The following OTOG variants were observed in gnomAD, a reference collection of about 807,000 sequenced individuals.
OTOG encodes otogelin.
A neutral mutation model predicts 313.8 loss-of-function variants in OTOG; 296 were observed. That is an observed-to-expected ratio of 0.94 (90% confidence interval 0.86 to 1.04). OTOG has a LOEUF of 1.04. Ranked by LOEUF, OTOG falls within the 50% of genes least tolerant of loss-of-function variation. The pLI, the probability that OTOG is intolerant of heterozygous loss-of-function variation, is 0.00. For synonymous variants in OTOG, 1,533 were observed against 1,554.9 expected, an observed-to-expected ratio of 0.99 and a Z score of 0.33; for missense variants, 3,948 against 3,840.1, an observed-to-expected ratio of 1.03 and a Z score of -0.74.
intron 29 of OTOG, 42 bp from the exon 30 acceptor site, chr11:17,596,809 T>C (rs1853120623): frequency 6.6e-7 from 1 of 1,516,494 alleles, no homozygotes; most frequent in South Asian, 1.2e-5. Flanking sequence ...GATCTGACAT[T>C]TGGGATCTGT....
At chr11:17,627,303 T>C (rs775564537) in intron 39 of OTOG, among the ~76,000 whole-genome samples, 21 of 94,940 alleles carry the variant, frequency 2.2e-4, no homozygotes, top group Non-Finnish European at 3.6e-4. Context: ...TTTATACTCA[T>C]TTTTTTTTAG....
Position 17,555,817 on chromosome 11 carries a change from C to G in OTOG, c.579C>G (p.Thr193=). The change falls in exon 7 of 56, where the codon ACC becomes ACG. Residue 193 remains threonine, a synonymous_variant. Coordinates refer to ENST00000399397, the MANE Select transcript of OTOG (RefSeq NM_001292063.2). ...CGCAGTGTGGCTCTTCACCCTACAC[C>G]TGCTCCAGGGCTGTCAGCCTCTTCT... ...NDPQCGSSPY[T]CSRAVSLFFV... is the part of the protein sequence containing the mutation. 1 of 1,550,816 alleles carries G rather than the reference C, an allele frequency of 6.4e-7. No individual in the cohort carries two copies. Among genetic ancestry groups the G allele is most frequent in the African/African-American group, 1.4e-5 (1 of 73,180 alleles).
intron 54 of OTOG, among the ~76,000 whole-genome samples, chr11:17,644,260 C>T (rs1436976792): frequency 1.3e-5 from 2 of 152,272 alleles, no homozygotes; most frequent in Non-Finnish European, 2.9e-5. Flanking sequence ...AGTCTTAGTC[C>T]AGGGCCCAGA....
At chr11:17,606,235 G>A (rs1565114288) in intron 33 of OTOG, 100 bp downstream of exon 33, 1 of 1,376,702 alleles carries the variant, frequency 7.3e-7, no homozygotes, top group Non-Finnish European at 9.6e-7. Context: ...CCCCTAAGAA[G>A]CAGAATCCTC....
chr11:17,579,904 G>A (rs1384614931), intron 23 of OTOG, among the ~76,000 whole-genome samples: 1 of 152,218 alleles, frequency 6.6e-6, no homozygotes, highest in Admixed American at 6.5e-5. Flanking sequence ...TGTATCAAAG[G>A]CCCTCTAAGG....
At chr11:17,638,425 T>C in intron 47 of OTOG, 26 bp from the exon 48 acceptor site, 1 of 1,524,770 alleles carries the variant, frequency 6.6e-7, no homozygotes, top group Non-Finnish European at 8.8e-7. Flanking sequence ...GTGACTGACG[T>C]GTCAACTGCC....
At chr11:17,629,872 A>G (rs1286461353) in intron 40 of OTOG, among the ~76,000 whole-genome samples, 1 of 152,192 alleles carries the variant, frequency 6.6e-6, no homozygotes, top group Non-Finnish European at 1.5e-5. Flanking sequence ...ACAAGCCTGG[A>G]TGTGGGCCGC....
chr11:17,547,386 C>A lies in OTOG; in HGVS notation c.14C>A (p.Ala5Glu), dbSNP rs1018902503. ...CCTCGTGTCCCTATGGGAGTCCTGG[C>A]GTCTGCGCTCTGCTGGCTGCTTTGT... MGVLASALCWLLCVW... is the reference protein window; with the variant it reads MGVLESALCWLLCVW... The change falls in exon 1 of 56, where the codon GCG becomes GAG. Residue 5 changes from alanine to glutamate, a missense_variant. Coordinates refer to ENST00000399397, the MANE Select transcript of OTOG (RefSeq NM_001292063.2). 4 of 1,412,688 alleles carry A rather than the reference C, an allele frequency of 2.8e-6. No individual in the cohort carries two copies. Among genetic ancestry groups the A allele is most frequent in the Non-Finnish European group, 2.8e-6 (3 of 1,089,702 alleles). The allele number at this position is 1,412,688 out of a possible 1,614,324, so 87.5% of individuals were successfully genotyped here.
chr11:17,637,536 ATT>A (rs1854295233), intron 47 of OTOG, among the ~76,000 whole-genome samples: 1 of 152,060 alleles, frequency 6.6e-6, no homozygotes, highest in African/African-American at 2.4e-5. Context: ...TAAAACTGAA[ATT>A]TCCATCTAAG....
At chr11:17,611,534 C>T in intron 36 of OTOG, 111 bp downstream of exon 36, 2 of 1,158,942 alleles carry the variant, frequency 1.7e-6, no homozygotes, top group African/African-American at 1.6e-5. Context: ...GCCCCATGCT[C>T]CTGGTCCCTG....
intron 25 of OTOG, among the ~76,000 whole-genome samples, 160 bp from the exon 26 acceptor site, chr11:17,593,033 G>T (rs193127858): frequency 4.5e-4 from 69 of 152,296 alleles, no homozygotes; most frequent in Non-Finnish European, 7.5e-4. Flanking sequence ...AACCAGAACA[G>T]CTTCAGAGAA....
intron 14 of OTOG, 26 bp downstream of exon 14, chr11:17,561,163 A>G: frequency 1.3e-6 from 2 of 1,550,330 alleles, no homozygotes; most frequent in Non-Finnish European, 1.7e-6. Flanking sequence ...ACCTTGCACT[A>G]GGATCCCTTC....
At chr11:17,555,207 A>G (rs868727932) in intron 6 of OTOG, among the ~76,000 whole-genome samples, 5 of 141,160 alleles carry the variant, frequency 3.5e-5, no homozygotes, top group African/African-American at 1.3e-4. Flanking sequence ...GGGGGCAGAG[A>G]TGTGTGTGTG....
chr11:17,556,379 C>T (rs938920080), intron 7 of OTOG, among the ~76,000 whole-genome samples: 2 of 152,152 alleles, frequency 1.3e-5, no homozygotes, highest in Non-Finnish European at 2.9e-5. Context: ...CTAAAATGCC[C>T]CAGACTGTGG....
chr11:17,575,234 C>T (rs900865781), intron 20 of OTOG, among the ~76,000 whole-genome samples: 1 of 152,248 alleles, frequency 6.6e-6, no homozygotes, highest in African/African-American at 2.4e-5. Context: ...CCAGACATTT[C>T]TAGGGCTTGG....
chr11:17,555,183 T>C (rs1852026178), intron 6 of OTOG, among the ~76,000 whole-genome samples: 1 of 142,658 alleles, frequency 7.0e-6, no homozygotes, highest in Non-Finnish European at 1.5e-5. Flanking sequence ...AAGTCTGGGT[T>C]CTGTCTGAAT....
At chr11:17,558,694 G>A in intron 10 of OTOG, 50 bp downstream of exon 10, 1 of 1,504,996 alleles carries the variant, frequency 6.6e-7, no homozygotes, top group Non-Finnish European at 9.0e-7. Flanking sequence ...ATTGGGGTGA[G>A]TGCTCAGCAC....
chr11:17,609,036 A>G (rs1442311273), intron 34 of OTOG, 94 bp from the exon 35 acceptor site: 7 of 979,600 alleles, frequency 7.1e-6, no homozygotes, highest in Admixed American at 2.3e-5. Context: ...CACATGTGTC[A>G]TAAGAAAGGA....
chr11:17,607,958 G>A (rs969772269), intron 33 of OTOG, among the ~76,000 whole-genome samples: 1 of 152,086 alleles, frequency 6.6e-6, no homozygotes, highest in African/African-American at 2.4e-5. Flanking sequence ...GGCATCCCAA[G>A]GGAGAGATCA....
Sources: gnomAD v4.1 joint callset for allele counts (sites outside exome capture counted in the v4.1 genomes callset) on GRCh38, gnomAD v4.1.1 for gene constraint, MANE v1.5 for transcripts, NCBI Gene and HGNC (gene_info 2026-07-23, HGNC 2026-07-21) for gene names.